The following VAMP1 variants were observed in gnomAD, a reference collection of about 807,000 sequenced individuals.
The protein encoded by VAMP1 is vesicle-associated membrane protein 1.
VAMP1 carries 16 observed loss-of-function variants against 19.1 expected under a neutral mutation model. The ratio of observed to expected loss-of-function variants is 0.84; its 90% confidence interval spans 0.57 to 1.27. The LOEUF is 1.27. VAMP1 is among the 50% of genes most tolerant of loss of function. The pLI, the probability that VAMP1 is intolerant of heterozygous loss-of-function variation, is 0.00. For synonymous variants in VAMP1, 37 were observed against 50.2 expected (o/e 0.74, Z 1.11); for missense variants, 109 against 145.4 (o/e 0.75, Z 1.29).
At chr12:6,466,545 A>C in intron 1 of VAMP1, 194 bp from the exon 2 acceptor site, 1 of 518,866 alleles carries the variant, frequency 1.9e-6, no homozygotes, top group East Asian at 3.5e-5. Flanking sequence ...GAAAGGACTC[A>C]CATGCATCCT....
At chr12:6,468,731 T>C (rs1033318721) in intron 1 of VAMP1, among the ~76,000 whole-genome samples, 35 of 152,278 alleles carry the variant, frequency 2.3e-4, no homozygotes, top group African/African-American at 8.4e-4. Flanking sequence ...CAAACTCCTC[T>C]CCATGTCCCA....
At chr12:6,466,420 C>A in intron 1 of VAMP1, 69 bp from the exon 2 acceptor site, 2 of 1,523,896 alleles carry the variant, frequency 1.3e-6, no homozygotes, top group Admixed American at 2.1e-5. Flanking sequence ...TGGTAGCACA[C>A]ACCTGTAGTC....
intron 3 of VAMP1, among the ~76,000 whole-genome samples, chr12:6,465,637 C>CG (rs1950004302): frequency 6.6e-6 from 1 of 151,690 alleles, no homozygotes; most frequent in Non-Finnish European, 1.5e-5. Context: ...TCCCTGATAG[C>CG]GGTTCTAAAT....
chr12:6,469,193 C>T (rs1945706601), intron 1 of VAMP1, among the ~76,000 whole-genome samples: 1 of 152,162 alleles, frequency 6.6e-6, no homozygotes, highest in South Asian at 2.1e-4. Context: ...TCATGGGAGC[C>T]ACAAGACTCT....
intron 3 of VAMP1, 62 bp downstream of exon 3, chr12:6,465,780 T>C: frequency 1.3e-5 from 21 of 1,591,272 alleles, no homozygotes; most frequent in Non-Finnish European, 1.8e-5. Context: ...AAGCTGAGGG[T>C]TTTCTTGCCT....
chr12:6,462,248 G>C lies in VAMP1; in HGVS notation c.*2222C>G. The C allele has an allele frequency of 9.3e-7, 1 of 1,079,448 alleles. No homozygotes were observed. The allele number at this position is 1,079,448 out of a possible 1,614,324, so 66.9% of individuals were successfully genotyped here. Reference sequence around the variant, plus strand: ...AACAACCAAGCCAGTTTAATGGTAGGAATTTGTATTTTTTGCCTTTGTTCA... The same window carrying C: ...AACAACCAAGCCAGTTTAATGGTAGCAATTTGTATTTTTTGCCTTTGTTCA... On this transcript the variant is annotated 3_prime_UTR_variant, in exon 5 of 5. Coordinates refer to ENST00000396308, the MANE Select transcript of VAMP1 (RefSeq NM_014231.5).
chr12:6,463,718 G>A lies in VAMP1; in HGVS notation c.*752C>T, dbSNP rs2137001277. 2 of 1,152,252 alleles carry A rather than the reference G, an allele frequency of 1.7e-6. No individual in the cohort carries two copies. Among genetic ancestry groups the A allele is most frequent in the East Asian group, 6.7e-5 (1 of 14,972 alleles). 71.4% of individuals were successfully genotyped at this position (1,152,252 alleles called of 1,614,324 possible). On this transcript the variant is annotated 3_prime_UTR_variant, in exon 5 of 5. Transcript: ENST00000396308. This position sits in a 1 kb window ranked among gnomAD's most constrained non-coding sequence, Gnocchi z 4.0. ...ATTTGGTGCCCTCATACAGAATGCT[G>A]TAGAAAATGTAAAGAAGAGAAAGCT...
chr12:6,465,135 G>T lies in VAMP1; in HGVS notation c.289-194C>A, dbSNP rs1017101. 0.28 allele frequency: 196,597 copies of T among 709,726 alleles called. 29,574 individuals are homozygous for T. Among genetic ancestry groups the T allele is most frequent in the East Asian group, 0.35 (10,307 of 29,770 alleles). The allele number at this position is 709,726 out of a possible 1,614,324, so 44.0% of individuals were successfully genotyped here. On this transcript the variant is annotated intron_variant, in intron 3 of 4. Coordinates refer to ENST00000396308, the MANE Select transcript of VAMP1 (RefSeq NM_014231.5). ...AGGGGATCATAACCACAGTATGTCT[G>T]TAGCTTTTCAGATTCATCACAGGAC...
At position 6,465,985 on chromosome 12, in the gene VAMP1, G is replaced by A. The variant is rs556506656; in HGVS notation, c.145C>T (p.Arg49Cys). The stretch of plus-strand genomic sequence containing the variant: ...TCCAGGACCTTGTCCACGTTCACAC[G>A]TATGATGTCCACCACCTGAGGAGGG... ...AQVEEVVDII[R>C]VNVDKVLERD... The change falls in exon 3 of 5, where the codon CGT becomes TGT. Residue 49 changes from arginine to cysteine, a missense_variant. Transcript: ENST00000396308. The A allele has an allele frequency of 7.4e-6, 12 of 1,614,230 alleles. No individual in the cohort carries two copies. Among genetic ancestry groups the A allele is most frequent in the South Asian group, 5.5e-5 (5 of 91,086 alleles).
rs1032606990 is a variant in VAMP1, at chr12:6,463,564, A to G, written c.*906T>C. 2 of 1,056,842 alleles carry G rather than the reference A, an allele frequency of 1.9e-6. No individual in the cohort carries two copies. Among genetic ancestry groups the G allele is most frequent in the Non-Finnish European group, 1.1e-6 (1 of 872,208 alleles). The allele number at this position is 1,056,842 out of a possible 1,614,324, so 65.5% of individuals were successfully genotyped here. On this transcript the variant is annotated 3_prime_UTR_variant, in exon 5 of 5. Transcript: ENST00000396308. This position sits in a 1 kb window ranked among gnomAD's most constrained non-coding sequence, Gnocchi z 4.0. ...AGGAGTGGCTTCCTCTGAGCTTGTT[A>G]CTTTCAAATTAAGCACTTGACTCAC... is the stretch of plus-strand genomic sequence containing the variant.
rs1309242803 is a variant in VAMP1, at chr12:6,462,662, G to C, written c.*1808C>G. ...AACCCAGGAATGATTCCTGTGATAG[G>C]GCTGGGAGAGCCAAGAGGACGGATT... On this transcript the variant is annotated 3_prime_UTR_variant, in exon 5 of 5. Coordinates refer to ENST00000396308, the MANE Select transcript of VAMP1 (RefSeq NM_014231.5). The C allele has an allele frequency of 2.3e-5, 17 of 732,616 alleles. No homozygotes were observed. The Admixed American group carries it at 3.6e-4, about 15-fold the overall frequency. The allele number at this position is 732,616 out of a possible 1,614,324, so 45.4% of individuals were successfully genotyped here. A position where few individuals can be genotyped will look rare whatever the true frequency, so the allele number is the denominator to read the frequency against.
At chr12:6,465,357 AGT>A (rs1491221550) in intron 3 of VAMP1, 2,606 of 214,474 alleles carry the variant, frequency 0.012, 33 homozygotes, top group Non-Finnish European at 0.017. Context: ...AAAAGAAAAA[AGT>A]ATATATATAT....
chr12:6,468,174 G>A (rs576758961), intron 1 of VAMP1, among the ~76,000 whole-genome samples: 21 of 152,356 alleles, frequency 1.4e-4, no homozygotes, highest in Non-Finnish European at 2.2e-4. Context: ...AGCTTGCACC[G>A]TGCGCCTGGA....
Position 6,464,683 on chromosome 12 carries a change from G to A in VAMP1, c.341-197C>T, listed in dbSNP as rs954032398. On this transcript the variant is annotated intron_variant, in intron 4 of 4. Coordinates refer to ENST00000396308, the MANE Select transcript of VAMP1 (RefSeq NM_014231.5). ...TCAGAACAGGAGGCGCCATCTCCCT[G>A]CAATGCGTTGCAGGGGGAAGGCTTG... The A allele has an allele frequency of 3.4e-6, 5 of 1,486,446 alleles. No homozygotes were observed. The African/African-American group carries it at 4.2e-5, about 13-fold the overall frequency. 92.1% of individuals were successfully genotyped at this position (1,486,446 alleles called of 1,614,324 possible). A position where few individuals can be genotyped will look rare whatever the true frequency, so the allele number is the denominator to read the frequency against.
In VAMP1 at chr12:6,465,466, AGTGT is replaced by A. The variant is rs72418260; in HGVS notation, c.288+372_288+375del. The A allele has an allele frequency of 5.4e-3, 561 of 103,410 alleles. 14 individuals carry two copies. The highest frequency in any genetic ancestry group is 6.1e-3 in the Non-Finnish European group (338 of 55,614). The allele number at this position is 103,410 out of a possible 1,614,324, so 6.4% of individuals were successfully genotyped here. ...TGTATATATACATATGTGTATATAT[AGTGT>A]GTGTGTGTGTGTGTGTGTGTGTATG... is the stretch of plus-strand genomic sequence containing the variant. On this transcript the variant is annotated intron_variant, in intron 3 of 4. Transcript: ENST00000396308.
At position 6,462,879 on chromosome 12, in the gene VAMP1, G is replaced by A. The variant is rs761903666; in HGVS notation, c.*1591C>T. On this transcript the variant is annotated 3_prime_UTR_variant, in exon 5 of 5. Coordinates refer to ENST00000396308, the MANE Select transcript of VAMP1 (RefSeq NM_014231.5). ...CGAAGGGAATGTGGGAAACAAGGGC[G>A]AAAGGAAAGGAAGGATGGTTTTGAG... 3.1e-5 allele frequency: 50 copies of A among 1,598,306 alleles called. 1 individual carries two copies. Among genetic ancestry groups the A allele is most frequent in the Admixed American group, 1.2e-4 (7 of 57,562 alleles).
intron 1 of VAMP1, among the ~76,000 whole-genome samples, chr12:6,469,779 G>C (rs1386103712): frequency 6.6e-6 from 1 of 152,206 alleles, no homozygotes; most frequent in Non-Finnish European, 1.5e-5. Flanking sequence ...TCATGCGAAG[G>C]GGGTGATGTT....
At position 6,470,631 on chromosome 12, in the gene VAMP1, C is replaced by G. The variant is rs374381650; in HGVS notation, c.-100G>C. ...CTGAAGTGGACGGAACTGCCAAGCT[C>G]CGCCTCGCGCCGACTACCCCGCGGT... On this transcript the variant is annotated 5_prime_UTR_variant, in exon 1 of 5. Transcript: ENST00000396308. 20 of 1,515,090 alleles carry G rather than the reference C, an allele frequency of 1.3e-5. No individual in the cohort carries two copies. The highest frequency in any genetic ancestry group is 1.3e-4 in the South Asian group (11 of 87,264). The allele number at this position is 1,515,090 out of a possible 1,614,324, so 93.9% of individuals were successfully genotyped here.
Position 6,466,424 on chromosome 12 carries a change from T to TGTA in VAMP1, c.3-76_3-74dup, listed in dbSNP as rs1950027163. 2.0e-6 allele frequency: 3 copies of TGTA among 1,511,960 alleles called. No homozygotes were observed. The African/African-American group carries it at 4.2e-5, about 21-fold the overall frequency. The allele number at this position is 1,511,960 out of a possible 1,614,324, so 93.7% of individuals were successfully genotyped here. A position where few individuals can be genotyped will look rare whatever the true frequency, so the allele number is the denominator to read the frequency against. On this transcript the variant is annotated intron_variant, in intron 1 of 4. Coordinates refer to ENST00000396308, the MANE Select transcript of VAMP1 (RefSeq NM_014231.5). ...GGAGCTGGGCGTGGTAGCACACACC[T>TGTA]GTAGTCCCAGCTACTCAAGAGGCTG...
Sources: allele counts gnomAD v4.1 joint callset (sites outside exome capture counted in the v4.1 genomes callset), GRCh38; gene constraint gnomAD v4.1.1; non-coding constraint Gnocchi (gnomAD v3.1); transcripts MANE v1.5; gene names NCBI Gene and HGNC (gene_info 2026-07-23, HGNC 2026-07-21).